The following UNC5D variants were observed in gnomAD, a reference collection of about 807,000 sequenced individuals.
The protein encoded by UNC5D is unc-5 netrin receptor D, also known as netrin receptor UNC5D.
A neutral mutation model predicts 105.4 loss-of-function variants in UNC5D; 39 were observed. The ratio of observed to expected loss-of-function variants is 0.37; its 90% CI spans 0.29 to 0.48. The LOEUF (loss-of-function observed/expected upper bound fraction) is 0.48. Among genes scored for constraint, UNC5D ranks in the 20% least tolerant of loss-of-function variants. The pLI is 0.98. For missense variants in UNC5D, 991 were observed against 1,202.4 expected (o/e 0.82, Z 2.60); for synonymous variants, 452 against 450.4 (o/e 1.00, Z -0.04).
At chr8:35,544,271 T>C (rs771685278) in intron 1 of UNC5D, 2 of 1,140,942 alleles carry the variant, frequency 1.8e-6, no homozygotes, top group East Asian at 2.7e-5. Flanking sequence ...CCTGAACAGC[T>C]GATGGCATTA....
chr8:35,699,349 T>C (rs780610573), intron 7 of UNC5D, among the ~76,000 whole-genome samples: 8 of 152,194 alleles, frequency 5.3e-5, no homozygotes, highest in East Asian at 1.9e-4. Context: ...AGGAAGGTCA[T>C]TGTCATCAGA....
intron 4 of UNC5D, among the ~76,000 whole-genome samples, chr8:35,665,012 T>G (rs1221657981): frequency 6.6e-6 from 1 of 152,014 alleles, no homozygotes; most frequent in Admixed American, 6.5e-5. Context: ...TTTTTAAGTT[T>G]TTATAGAGAC....
rs374876822 is a variant in UNC5D at position 35,683,591 on chromosome 8, C to T, written c.615C>T (p.Asp205=). The T allele has an allele frequency of 4.4e-5, 69 of 1,578,564 alleles. No individual in the cohort carries two copies. Among genetic ancestry groups the T allele is most frequent in the South Asian group, 1.3e-4 (11 of 84,488 alleles). The change falls in exon 5 of 17, where the codon GAC becomes GAT. Residue 205 remains aspartate (D), a synonymous_variant. Transcript: ENST00000404895. ...AAGAGCCCATTGACTCTGAACAAGA[C>T]GAGAACATTGACACCAGGGCTGACC... ...KNEEPIDSEQ[D]ENIDTRADHN...
chr8:35,541,151 T>G (rs868729887), intron 1 of UNC5D, among the ~76,000 whole-genome samples: 3 of 152,172 alleles, frequency 2.0e-5, no homozygotes, highest in Non-Finnish European at 4.4e-5. Flanking sequence ...AAAATAGGTT[T>G]AGAGAGACTC....
chr8:35,672,343 A>C (rs536083289), intron 4 of UNC5D, among the ~76,000 whole-genome samples: 6 of 152,214 alleles, frequency 3.9e-5, no homozygotes, highest in Non-Finnish European at 7.3e-5. Context: ...GTGAATACAG[A>C]AGCAGTTTTC....
intron 1 of UNC5D, among the ~76,000 whole-genome samples, chr8:35,530,507 CTT>C (rs1366295452): frequency 5.8e-5 from 2 of 34,450 alleles, no homozygotes; most frequent in African/African-American, 3.5e-4. Context: ...CTAAAATTCT[CTT>C]TTTTGGTTGT....
intron 1 of UNC5D, among the ~76,000 whole-genome samples, chr8:35,333,555 C>T (rs1014290925): frequency 1.3e-5 from 2 of 152,156 alleles, no homozygotes; most frequent in African/African-American, 4.8e-5. Flanking sequence ...TCTTGGCTCA[C>T]TGCAACCTCC....
chr8:35,457,990 ATGT>A (rs1281854821), intron 1 of UNC5D, among the ~76,000 whole-genome samples: 3 of 152,204 alleles, frequency 2.0e-5, no homozygotes, highest in Non-Finnish European at 4.4e-5. Context: ...GAGGTAAAGC[ATGT>A]AACATCCTAT....
intron 8 of UNC5D, among the ~76,000 whole-genome samples, chr8:35,707,321 C>A (rs1017382237): frequency 5.3e-5 from 8 of 152,048 alleles, no homozygotes; most frequent in African/African-American, 1.9e-4. Context: ...GGGAAAACAG[C>A]AAAAATAAAC....
intron 4 of UNC5D, among the ~76,000 whole-genome samples, chr8:35,601,204 C>T: frequency 6.6e-6 from 1 of 152,050 alleles, no homozygotes. Flanking sequence ...TTACTGTAGC[C>T]TTGTAGTATA....
intron 1 of UNC5D, among the ~76,000 whole-genome samples, chr8:35,438,691 T>C (rs1397239974): frequency 6.6e-6 from 1 of 152,006 alleles, no homozygotes; most frequent in Non-Finnish European, 1.5e-5. Flanking sequence ...AAATTTGCTT[T>C]GATAAAGTTT....
intron 1 of UNC5D, among the ~76,000 whole-genome samples, chr8:35,405,687 A>G (rs917715651): frequency 4.6e-5 from 7 of 152,074 alleles, no homozygotes; most frequent in Admixed American, 2.6e-4. Flanking sequence ...TTCTCTATTC[A>G]CAACTTTTTT....
At chr8:35,725,948 G>A (rs572260030) in intron 9 of UNC5D, among the ~76,000 whole-genome samples, 2 of 152,276 alleles carry the variant, frequency 1.3e-5, no homozygotes, top group South Asian at 2.1e-4. Context: ...GTGGCATTTA[G>A]AGAATGGACG....
At chr8:35,764,595 G>A (rs1801683056) in intron 14 of UNC5D, among the ~76,000 whole-genome samples, 1 of 152,190 alleles carries the variant, frequency 6.6e-6, no homozygotes, top group South Asian at 2.1e-4. Context: ...CATTGCAGGA[G>A]GCCCCACAAA....
intron 1 of UNC5D, among the ~76,000 whole-genome samples, chr8:35,416,238 G>A (rs988250796): frequency 2.0e-5 from 3 of 151,984 alleles, no homozygotes; most frequent in African/African-American, 7.2e-5. Flanking sequence ...CTTGGTGTAG[G>A]GATGGCACCT....
At chr8:35,509,925 G>A (rs972135105) in intron 1 of UNC5D, among the ~76,000 whole-genome samples, 1 of 152,148 alleles carries the variant, frequency 6.6e-6, no homozygotes, top group East Asian at 1.9e-4. Context: ...ACTTAGGTTT[G>A]CTGGTTATTA....
chr8:35,440,766 C>G (rs1253293247), intron 1 of UNC5D, among the ~76,000 whole-genome samples: 1 of 151,936 alleles, frequency 6.6e-6, no homozygotes, highest in African/African-American at 2.4e-5. Flanking sequence ...ACAACTCTGC[C>G]ACATAAAACA....
chr8:35,328,146 T>C (rs1030533498), intron 1 of UNC5D, among the ~76,000 whole-genome samples: 2 of 152,208 alleles, frequency 1.3e-5, no homozygotes, highest in African/African-American at 4.8e-5. Flanking sequence ...ATATAATGTA[T>C]ATGTGTATTT....
chr8:35,552,138 A>G (rs1471689078), intron 2 of UNC5D, among the ~76,000 whole-genome samples: 2 of 152,226 alleles, frequency 1.3e-5, no homozygotes, highest in East Asian at 1.9e-4. Flanking sequence ...TGCCCCTTTT[A>G]GAGATGTTCT....
Sources: allele counts gnomAD v4.1 joint callset (sites outside exome capture counted in the v4.1 genomes callset), GRCh38; gene constraint gnomAD v4.1.1; transcripts MANE v1.5; gene names NCBI Gene and HGNC (gene_info 2026-07-23, HGNC 2026-07-21).